The following OR9Q1 variants were observed in gnomAD, a reference collection of about 807,000 sequenced individuals.
The protein encoded by OR9Q1 is olfactory receptor family 9 subfamily Q member 1, also known as olfactory receptor 9Q1.
For missense variants in OR9Q1, 374 were observed against 378.8 expected (o/e 0.99, Z 0.11); for synonymous variants, 153 against 148.6 (o/e 1.03, Z -0.22).
intron 2 of OR9Q1, among the ~76,000 whole-genome samples, chr11:58,099,362 T>G (rs1197517557): frequency 6.7e-6 from 1 of 150,054 alleles, no homozygotes; most frequent in Non-Finnish European, 1.5e-5. Flanking sequence ...TTCTGTACAT[T>G]ATACCTTATT....
chr11:58,099,818 A>G (rs767791245), intron 2 of OR9Q1, among the ~76,000 whole-genome samples: 8 of 151,772 alleles, frequency 5.3e-5, no homozygotes, highest in African/African-American at 1.5e-4. Context: ...TGAATCAATC[A>G]TGTTTTTTCC....
chr11:58,034,792 CCCTT>C (rs71061567), intron 1 of OR9Q1, among the ~76,000 whole-genome samples: 12,234 of 95,846 alleles, frequency 0.13, 1,006 homozygotes, highest in Admixed American at 0.23. Context: ...CCTCCTTTCT[CCCTT>C]CCTTCCTTCC....
chr11:58,047,868 G>A (rs1307249959), intron 1 of OR9Q1, among the ~76,000 whole-genome samples: 1 of 152,114 alleles, frequency 6.6e-6, no homozygotes. Context: ...TGGTGACAGA[G>A]AGAGACTCCG....
intron 2 of OR9Q1, chr11:58,072,505 T>C (rs2120022426): frequency 6.1e-6 from 1 of 163,658 alleles, no homozygotes; most frequent in South Asian, 1.8e-4. Context: ...ATGCTGGTCC[T>C]GGTTTTCACA....
At chr11:58,030,831 G>A (rs1352982590) in intron 1 of OR9Q1, 2 of 679,542 alleles carry the variant, frequency 2.9e-6, no homozygotes, top group Non-Finnish European at 5.3e-6. Context: ...ACAGTGTGTT[G>A]ACATCATGTT....
Position 58,031,001 on chromosome 11 carries a change from A to G in OR9Q1, c.-93+6897A>G, listed in dbSNP as rs144201457. The G allele has an allele frequency of 2.2e-4, 356 of 1,614,110 alleles. 3 individuals are homozygous for G. In the South Asian group the frequency reaches 3.9e-3, roughly 18 times the overall value. On this transcript the variant is annotated intron_variant, in intron 1 of 2. Coordinates refer to ENST00000335397, the MANE Select transcript of OR9Q1 (RefSeq NM_001005212.4). ...GACCCAGGTAACTGAATTTGTCATG[A>G]TGGGCTTTGCTGGCATCCATGAAGC...
intron 2 of OR9Q1, among the ~76,000 whole-genome samples, chr11:58,139,060 G>A (rs541734648): frequency 6.6e-6 from 1 of 151,992 alleles, no homozygotes; most frequent in East Asian, 1.9e-4. Flanking sequence ...GATGGGAGGA[G>A]GAAGGAAGAA....
chr11:58,041,602 T>C (rs1363762049), intron 1 of OR9Q1: 1 of 152,398 alleles, frequency 6.6e-6, no homozygotes, highest in Non-Finnish European at 1.5e-5. Context: ...GAACAAGAAG[T>C]CAAGGGTTTT....
At chr11:58,126,183 G>A (rs540542919) in intron 2 of OR9Q1, among the ~76,000 whole-genome samples, 1 of 152,248 alleles carries the variant, frequency 6.6e-6, no homozygotes, top group South Asian at 2.1e-4. Flanking sequence ...TCCAGCTCTT[G>A]TCTCTTCCCT....
At chr11:58,104,264 G>A (rs1368183497) in intron 2 of OR9Q1, among the ~76,000 whole-genome samples, 1 of 151,952 alleles carries the variant, frequency 6.6e-6, no homozygotes, top group African/African-American at 2.4e-5. Context: ...CTGAAGGAGT[G>A]GAGAAGAAAG....
At chr11:58,159,329 G>A (rs1005125519) in intron 2 of OR9Q1, among the ~76,000 whole-genome samples, 4 of 152,190 alleles carry the variant, frequency 2.6e-5, no homozygotes, top group Admixed American at 2.6e-4. Context: ...AGGATATTAA[G>A]AGTATTGTTG....
rs1420833789 is a variant in OR9Q1 at position 58,053,439 on chromosome 11, G to A, written c.-92-2431G>A. 1.1e-3 allele frequency among the ~76,000 whole-genome samples: 122 copies of A among 109,044 alleles called. 1 individual carries two copies. The East Asian group carries it at 0.033, about 29-fold the overall frequency. 71.5% of individuals were successfully genotyped at this position (109,044 alleles called of 152,430 possible). A position where few individuals can be genotyped will look rare whatever the true frequency, so the allele number is the denominator to read the frequency against. On this transcript the variant is annotated intron_variant, in intron 1 of 2. Transcript: ENST00000335397. ...CAGGAAGGGGCACATCACACTCTGG[G>A]GCCTGTTGTGGGGTGGGGGGAGGGG... is the stretch of plus-strand genomic sequence containing the variant.
chr11:58,124,043 T>C (rs1268837597), intron 2 of OR9Q1, among the ~76,000 whole-genome samples: 4 of 152,208 alleles, frequency 2.6e-5, no homozygotes, highest in Non-Finnish European at 5.9e-5. Context: ...TTATCTAATA[T>C]GGTAGAGCTT....
At chr11:58,060,897 C>G (rs1318761690) in intron 2 of OR9Q1, among the ~76,000 whole-genome samples, 2 of 152,096 alleles carry the variant, frequency 1.3e-5, no homozygotes, top group Admixed American at 6.5e-5. Flanking sequence ...CCCTGCTCCT[C>G]AAGCTGAGAT....
intron 2 of OR9Q1, among the ~76,000 whole-genome samples, chr11:58,067,179 C>A (rs1853438055): frequency 1.3e-5 from 2 of 152,018 alleles, no homozygotes; most frequent in African/African-American, 4.8e-5. Flanking sequence ...CTACAGGCGC[C>A]TGCCACCATG....
intron 2 of OR9Q1, among the ~76,000 whole-genome samples, chr11:58,062,040 A>G (rs1256175585): frequency 1.3e-5 from 2 of 152,220 alleles, no homozygotes; most frequent in Non-Finnish European, 2.9e-5. Flanking sequence ...AATGACTAGT[A>G]TAGGTAGGAA....
chr11:58,177,908 G>A (rs192840677), intron 2 of OR9Q1, among the ~76,000 whole-genome samples: 3 of 152,296 alleles, frequency 2.0e-5, no homozygotes. Context: ...TAGAAAGTGC[G>A]ATCTGGGTTG....
Position 58,059,513 on chromosome 11 carries a change from T to C in OR9Q1, c.-15+3566T>C, listed in dbSNP as rs557884815. ...GAGTTCGAGACCAGCCTGGCCAGCATGGTGAAACCCTGTCTCTACTAAAAG... is the reference window on the plus strand; with the variant it reads ...GAGTTCGAGACCAGCCTGGCCAGCACGGTGAAACCCTGTCTCTACTAAAAG... On this transcript the variant is annotated intron_variant, in intron 2 of 2. Transcript: ENST00000335397. 6.6e-5 allele frequency among the ~76,000 whole-genome samples: 10 copies of C among 151,710 alleles called. No homozygotes were observed. The South Asian group carries it at 2.1e-3, about 32-fold the overall frequency.
In OR9Q1 at chr11:58,166,498, TCTC is replaced by T. The variant is rs1252642466; in HGVS notation, c.-14-12932_-14-12930del. On this transcript the variant is annotated intron_variant, in intron 2 of 2. Transcript: ENST00000335397. Reference sequence around the variant, plus strand: ...CACTGTAACTTGTTAATTGCAAGTATCTCTTCTTATTAAAGGCTGCAGATTATT... The same window carrying T: ...CACTGTAACTTGTTAATTGCAAGTATTTCTTATTAAAGGCTGCAGATTATT... 4.8e-5 allele frequency among the ~76,000 whole-genome samples: 7 copies of T among 146,662 alleles called. No individual in the cohort carries two copies. In the East Asian group the frequency reaches 1.4e-3, roughly 30 times the overall value.
Sources: gnomAD v4.1 joint callset for allele counts (sites outside exome capture counted in the v4.1 genomes callset) on GRCh38, gnomAD v4.1.1 for gene constraint, MANE v1.5 for transcripts, NCBI Gene and HGNC (gene_info 2026-07-23, HGNC 2026-07-21) for gene names.